The following PIK3C3 variants were observed in gnomAD, a reference collection of about 807,000 sequenced individuals.
PIK3C3 encodes PI3-kinase type 3.
In PIK3C3, 95 loss-of-function variants were observed where a neutral mutation model predicts 126.1. The observed-to-expected ratio is 0.75, with a 90% CI of 0.64 to 0.89. PIK3C3 has a LOEUF of 0.89. PIK3C3 is among the 40% of genes least tolerant of loss of function. The probability of loss-of-function intolerance (pLI) is 0.00; values close to 1 mark genes in which losing one functional copy is unlikely to be tolerated. For missense variants in PIK3C3, 829 were observed against 1,063.2 expected (o/e 0.78, Z 3.06); for synonymous variants, 374 against 360.0 (o/e 1.04, Z -0.44).
In PIK3C3 at chr18:42,084,868, C is replaced by G. The variant is rs188822645; in HGVS notation, c.*3731C>G. 6.6e-6 allele frequency: 1 copy of G among 152,206 alleles called. No individual in the cohort carries two copies. Among genetic ancestry groups the G allele is most frequent in the African/African-American group, 2.4e-5 (1 of 41,430 alleles). The allele number at this position is 152,206 out of a possible 1,614,324, so 9.4% of individuals were successfully genotyped here. A position where few individuals can be genotyped will look rare whatever the true frequency, so the allele number is the denominator to read the frequency against. On this transcript the variant is annotated 3_prime_UTR_variant, in exon 25 of 25. Transcript: ENST00000262039. ...TGAGTTTTCCCAGGGGATTCCGATGCCTGCTAGATTTAACCAGTAGATGAG... is the reference window on the plus strand; with the variant it reads ...TGAGTTTTCCCAGGGGATTCCGATGGCTGCTAGATTTAACCAGTAGATGAG...
chr18:42,076,127 T>TACAC (rs1985989822), intron 24 of PIK3C3, among the ~76,000 whole-genome samples: 1 of 75,848 alleles, frequency 1.3e-5, no homozygotes, highest in African/African-American at 6.8e-5. Flanking sequence ...TATATGCGCA[T>TACAC]ATATATATAT....
Position 42,067,115 on chromosome 18 carries a change from A to G in PIK3C3, c.2524-273A>G, listed in dbSNP as rs115184620. Among the ~76,000 whole-genome samples the G allele has an allele frequency of 3.8e-3, 577 of 152,282 alleles. 8 individuals carry two copies. The highest frequency in any genetic ancestry group is 0.013 in the African/African-American group (539 of 41,568). On this transcript the variant is annotated intron_variant, in intron 23 of 24. Coordinates refer to ENST00000262039, the MANE Select transcript of PIK3C3 (RefSeq NM_002647.4). ...TAAAAGAGCAGTTTTTCTGTTTTTG[A>G]GATGTAGGGCCCTAAGAAATATTTC...
intron 8 of PIK3C3, among the ~76,000 whole-genome samples, 163 bp downstream of exon 8, chr18:41,996,157 A>G (rs1028966154): frequency 2.0e-5 from 3 of 152,114 alleles, no homozygotes; most frequent in Non-Finnish European, 4.4e-5. Flanking sequence ...TTCTGTTATC[A>G]TTTGGGGCTT....
intron 19 of PIK3C3, among the ~76,000 whole-genome samples, chr18:42,042,833 C>T (rs1057119019): frequency 3.9e-5 from 6 of 152,146 alleles, no homozygotes; most frequent in Admixed American, 1.3e-4. Flanking sequence ...TCTGCCAAAT[C>T]GTAGTGTTGC....
chr18:41,993,637 C>T (rs1023040167), intron 7 of PIK3C3, among the ~76,000 whole-genome samples: 9 of 151,282 alleles, frequency 5.9e-5, no homozygotes, highest in Non-Finnish European at 1.2e-4. Context: ...GGTATATAAT[C>T]TTGAAGTGAA....
In PIK3C3 at chr18:42,016,976, G is replaced by A. The variant is rs141073339; in HGVS notation, c.1416+1410G>A. Among the ~76,000 whole-genome samples, 338 of 152,212 alleles carry A rather than the reference G, an allele frequency of 2.2e-3. 1 individual carries two copies. The highest frequency in any genetic ancestry group is 7.5e-3 in the African/African-American group (312 of 41,546). On this transcript the variant is annotated intron_variant, in intron 12 of 24. Transcript: ENST00000262039. ...ATGTTTAGGCTAAAAATGATAGTTT[G>A]TATATATTTCTGATATTTCTCTTGT...
chr18:42,003,272 G>C (rs778998345), intron 9 of PIK3C3, among the ~76,000 whole-genome samples: 4 of 152,124 alleles, frequency 2.6e-5, no homozygotes, highest in Non-Finnish European at 5.9e-5. Flanking sequence ...AAAGATTTTG[G>C]TTGGGCAGAG....
At chr18:42,010,532 A>G (rs556520323) in intron 10 of PIK3C3, among the ~76,000 whole-genome samples, 71 of 151,966 alleles carry the variant, frequency 4.7e-4, no homozygotes, top group African/African-American at 1.5e-3. Context: ...CGCCCACCTA[A>G]TTTTTGTATT....
At chr18:41,971,440 A>G (rs1473350315) in intron 4 of PIK3C3, 1 of 152,098 alleles carries the variant, frequency 6.6e-6, no homozygotes, top group Non-Finnish European at 1.5e-5. Context: ...CTTTTAAGGA[A>G]AAATGGTGTT....
intron 22 of PIK3C3, among the ~76,000 whole-genome samples, chr18:42,059,473 C>T (rs1302657006): frequency 3.3e-5 from 5 of 151,976 alleles, no homozygotes; most frequent in South Asian, 4.2e-4. Flanking sequence ...AGGGAGGTGG[C>T]GGACAAGATG....
intron 3 of PIK3C3, among the ~76,000 whole-genome samples, chr18:41,963,383 T>C (rs1980194632): frequency 6.6e-6 from 1 of 152,204 alleles, no homozygotes; most frequent in African/African-American, 2.4e-5. Context: ...ATTTTGTTTT[T>C]TATGTGTTTT....
chr18:41,960,890 C>T (rs1278576283), intron 2 of PIK3C3, among the ~76,000 whole-genome samples: 1 of 151,918 alleles, frequency 6.6e-6, no homozygotes, highest in African/African-American at 2.4e-5. Flanking sequence ...TACAGGCGCG[C>T]ACCACCATGC....
chr18:41,985,392 T>C (rs2144342393), intron 4 of PIK3C3, among the ~76,000 whole-genome samples: 1 of 152,186 alleles, frequency 6.6e-6, no homozygotes, highest in Admixed American at 6.5e-5. Context: ...CTCAAAGAAA[T>C]ACACAGAATT....
At chr18:42,022,501 A>G (rs192869644) in intron 13 of PIK3C3, among the ~76,000 whole-genome samples, 357 of 152,274 alleles carry the variant, frequency 2.3e-3, no homozygotes, top group Admixed American at 5.7e-3. Flanking sequence ...TAACACACAC[A>G]ATTTTTGATT....
At chr18:41,988,728 T>C (rs1015025274) in intron 5 of PIK3C3, among the ~76,000 whole-genome samples, 1 of 152,188 alleles carries the variant, frequency 6.6e-6, no homozygotes, top group Non-Finnish European at 1.5e-5. Context: ...AAGGTAGTGA[T>C]GTTTAACAAC....
chr18:42,068,957 A>G (rs1985662215), intron 24 of PIK3C3, among the ~76,000 whole-genome samples: 1 of 151,844 alleles, frequency 6.6e-6, no homozygotes, highest in African/African-American at 2.4e-5. Flanking sequence ...CTCAAAAAAA[A>G]AAAAAAAAAA....
At position 42,085,857 on chromosome 18, in the gene PIK3C3, A is replaced by C. The variant is rs956555546; in HGVS notation, c.*4720A>C. 1.3e-4 allele frequency: 20 copies of C among 152,318 alleles called. No individual in the cohort carries two copies. Among genetic ancestry groups the C allele is most frequent in the African/African-American group, 4.6e-4 (19 of 41,448 alleles). 9.4% of individuals were successfully genotyped at this position (152,318 alleles called of 1,614,324 possible). On this transcript the variant is annotated 3_prime_UTR_variant, in exon 25 of 25. Transcript: ENST00000262039. ...TGCCAGCACTTTGGGAGGCCAAGGC[A>C]GGCAGATCACTTGAGCCCAGGAGTT...
At chr18:42,061,886 G>A (rs984245991) in intron 22 of PIK3C3, among the ~76,000 whole-genome samples, 3 of 151,930 alleles carry the variant, frequency 2.0e-5, no homozygotes, top group Admixed American at 6.6e-5. Flanking sequence ...AAGGAACATC[G>A]CATTCTACAC....
intron 20 of PIK3C3, among the ~76,000 whole-genome samples, chr18:42,044,332 G>T (rs1010312149): frequency 4.6e-5 from 7 of 151,486 alleles, no homozygotes; most frequent in Non-Finnish European, 8.8e-5. Context: ...TATTCTTCAG[G>T]CATTTATGTC....
Sources: gnomAD v4.1 joint callset for allele counts (sites outside exome capture counted in the v4.1 genomes callset) on GRCh38, gnomAD v4.1.1 for gene constraint, MANE v1.5 for transcripts, NCBI Gene and HGNC (gene_info 2026-07-23, HGNC 2026-07-21) for gene names.